CSPG5: variants seen among roughly 807,000 people sequenced by gnomAD.
CSPG5 encodes the protein chondroitin sulfate proteoglycan 5, also known as acidic leucine-rich EGF-like domain-containing brain protein.
A neutral mutation model predicts 39.8 loss-of-function variants in CSPG5; 25 were observed. The observed-to-expected ratio is 0.63, with a 90% CI of 0.46 to 0.88. The LOEUF (loss-of-function observed/expected upper bound fraction) is 0.88, where lower values mean the gene tolerates loss of function less well. Among genes scored for constraint, CSPG5 ranks in the 40% least tolerant of loss-of-function variants. The pLI, the probability that CSPG5 is intolerant of heterozygous loss-of-function variation, is 0.00. For synonymous variants in CSPG5, 295 were observed against 303.9 expected, an observed-to-expected ratio of 0.97 and a Z score of 0.31; for missense variants, 627 against 702.2, an observed-to-expected ratio of 0.89 and a Z score of 1.21.
chr3:47,575,648 C>T (rs537420233), intron 2 of CSPG5, among the ~76,000 whole-genome samples: 6 of 152,302 alleles, frequency 3.9e-5, no homozygotes, highest in Non-Finnish European at 7.4e-5. Context: ...ATCTGCAATG[C>T]GAAGACTCTC....
Position 47,572,672 on chromosome 3 carries a change from T to A in CSPG5, c.1382+14A>T. 6.2e-7 allele frequency: 1 copy of A among 1,606,804 alleles called. No homozygotes were observed. The highest frequency in any genetic ancestry group is 8.5e-7 in the Non-Finnish European group (1 of 1,174,246). ...ACCCTGACCTGGGTGGATGGGTGAG[T>A]GACACAGACTCACTTGGTCCTACGC... On this transcript the variant is annotated intron_variant, in intron 3 of 4. Coordinates refer to ENST00000264723, the MANE Select transcript of CSPG5 (RefSeq NM_006574.4). This position sits in a 1 kb window ranked among gnomAD's most constrained non-coding sequence, Gnocchi z 4.5.
rs1007029048 is a variant in CSPG5, at chr3:47,574,499, C to A, written c.1194-1625G>T. ...TTTCTGGTAGCCCTTAATCAACTGGCAAGTTAGTTTATTGCCATATTTTCT... is the reference window on the plus strand; with the variant it reads ...TTTCTGGTAGCCCTTAATCAACTGGAAAGTTAGTTTATTGCCATATTTTCT... On this transcript the variant is annotated intron_variant, in intron 2 of 4. Coordinates refer to ENST00000264723, the MANE Select transcript of CSPG5 (RefSeq NM_006574.4). Among the ~76,000 whole-genome samples, 17 of 152,254 alleles carry A rather than the reference C, an allele frequency of 1.1e-4. 1 individual carries two copies. Among genetic ancestry groups the A allele is most frequent in the Admixed American group, 1.0e-3 (16 of 15,296 alleles).
intron 4 of CSPG5, 165 bp downstream of exon 4, chr3:47,568,987 G>A (rs543917842): frequency 1.6e-5 from 21 of 1,276,652 alleles, no homozygotes; most frequent in Non-Finnish European, 1.3e-5. Context: ...GCTCTCTGGG[G>A]ATTTCATATT....
chr3:47,568,572 C>T (rs1469067539), intron 4 of CSPG5, among the ~76,000 whole-genome samples: 1 of 152,104 alleles, frequency 6.6e-6, no homozygotes, highest in Non-Finnish European at 1.5e-5. Context: ...GTCTTTCCAC[C>T]CATCCCAAAG....
chr3:47,574,458 A>C (rs998303574), intron 2 of CSPG5, among the ~76,000 whole-genome samples: 2 of 152,206 alleles, frequency 1.3e-5, no homozygotes, highest in African/African-American at 4.8e-5. Flanking sequence ...GAGCAAAATC[A>C]CAGGGTTTCC....
At chr3:47,575,494 T>C (rs532519250) in intron 2 of CSPG5, among the ~76,000 whole-genome samples, 4 of 152,102 alleles carry the variant, frequency 2.6e-5, no homozygotes, top group Non-Finnish European at 5.9e-5. Flanking sequence ...GTGAGTAGGG[T>C]AATTACTGAT....
intron 4 of CSPG5, among the ~76,000 whole-genome samples, chr3:47,566,052 A>C (rs1312080080): frequency 1.3e-5 from 2 of 152,206 alleles, no homozygotes; most frequent in Non-Finnish European, 2.9e-5. Context: ...CCACCGGCAC[A>C]GATACCAGCC....
In CSPG5 at chr3:47,577,614, T is replaced by C. The variant is rs1475892335; in HGVS notation, c.412A>G (p.Ile138Val). The change falls in exon 2 of 5, where the codon ATC becomes GTC. Residue 138 changes from isoleucine (I) to valine (V), a missense_variant. Ile to Val is a conservative substitution (Grantham distance 29, BLOSUM62 3). Transcript: ENST00000264723. The surrounding 1 kb of genome is among the most constrained non-coding windows in gnomAD (Gnocchi z 4.7). ...GCCTCAGGAATGGCAGGGGGCATGA[T>C]TGACTGCCCGAGGACCTCGTGGGGA... Reference protein sequence around the residue: ...QAPHEVLGQSIMPPAIPEATE... With the variant: ...QAPHEVLGQSVMPPAIPEATE... 38 of 1,611,030 alleles carry C rather than the reference T, an allele frequency of 2.4e-5. No individual in the cohort carries two copies. Among genetic ancestry groups the C allele is most frequent in the South Asian group, 4.4e-5 (4 of 90,990 alleles).
In CSPG5 at chr3:47,562,787, G is replaced by C. The variant is rs185202804; in HGVS notation, c.1459-26C>G. ...CTGGAAGAGGGAAAAAGTTGGGGGG[G>C]GGGAGACAATGCATACAGCAACCAA... On this transcript the variant is annotated intron_variant, in intron 4 of 4. Coordinates refer to ENST00000264723, the MANE Select transcript of CSPG5 (RefSeq NM_006574.4). 1.7e-4 allele frequency: 267 copies of C among 1,572,830 alleles called. 1 individual carries two copies. In the Admixed American group the frequency reaches 4.4e-3, roughly 26 times the overall value.
chr3:47,578,598 C>G lies in CSPG5; in HGVS notation c.96G>C (p.Pro32=). 1.7e-6 allele frequency: 2 copies of G among 1,147,802 alleles called. No homozygotes were observed. Among genetic ancestry groups the G allele is most frequent in the Non-Finnish European group, 2.2e-6 (2 of 927,806 alleles). The allele number at this position is 1,147,802 out of a possible 1,614,324, so 71.1% of individuals were successfully genotyped here. A position where few individuals can be genotyped will look rare whatever the true frequency, so the allele number is the denominator to read the frequency against. ...AALVLASGAV[P]AREAGSAVEA... ...GGTCCCGGGCGCAGTCATACCTACCCGGCACGGCCCCAGAGGCCAGGACCA... is the reference window on the plus strand; with the variant it reads ...GGTCCCGGGCGCAGTCATACCTACCGGGCACGGCCCCAGAGGCCAGGACCA... The change falls in exon 1 of 5, where the codon CCG becomes CCC. Residue 32 remains proline (P), a splice_region_variant and synonymous_variant. Coordinates refer to ENST00000264723, the MANE Select transcript of CSPG5 (RefSeq NM_006574.4). This position sits in a 1 kb window ranked among gnomAD's most constrained non-coding sequence, Gnocchi z 6.0.
At position 47,562,553 on chromosome 3, in the gene CSPG5, C is replaced by G; in HGVS notation, c.*47G>C. 6.6e-7 allele frequency: 1 copy of G among 1,520,264 alleles called. No homozygotes were observed. Among genetic ancestry groups the G allele is most frequent in the African/African-American group, 1.4e-5 (1 of 72,850 alleles). The allele number at this position is 1,520,264 out of a possible 1,614,324, so 94.2% of individuals were successfully genotyped here. ...GTACAAGAGGAGATAATGTTTCTTCCCCTACCCCCCACCCACTACCCCCGC... is the reference window on the plus strand; with the variant it reads ...GTACAAGAGGAGATAATGTTTCTTCGCCTACCCCCCACCCACTACCCCCGC... On this transcript the variant is annotated 3_prime_UTR_variant, in exon 5 of 5. Transcript: ENST00000264723.
In CSPG5 at chr3:47,577,855, G is replaced by C. The variant is rs1576375268; in HGVS notation, c.171C>G (p.Asn57Lys). ...KGSPAWEPPA[N>K]DTREEAGPPA... ...GTGGGCCGGCTTCTTCCCGCGTGTC[G>C]TTGGCAGGCGGCTCCCACGCCGGGC... Residue 57 changes from asparagine (N) to lysine (K), a missense_variant, in exon 2 of 5, where the codon AAC becomes AAG. Transcript: ENST00000264723. The surrounding 1 kb of genome is among the most constrained non-coding windows in gnomAD (Gnocchi z 4.7). 1 of 1,537,680 alleles carries C rather than the reference G, an allele frequency of 6.5e-7. No homozygotes were observed. The highest frequency in any genetic ancestry group is 2.0e-5 in the Admixed American group (1 of 49,778).
At position 47,578,081 on chromosome 3, in the gene CSPG5, C is replaced by G. The variant is rs932144468; in HGVS notation, c.98-153G>C. 1.5e-4 allele frequency: 174 copies of G among 1,164,268 alleles called. No individual in the cohort carries two copies. Among genetic ancestry groups the G allele is most frequent in the Non-Finnish European group, 1.9e-4 (171 of 909,730 alleles). 72.1% of individuals were successfully genotyped at this position (1,164,268 alleles called of 1,614,324 possible). A position where few individuals can be genotyped will look rare whatever the true frequency, so the allele number is the denominator to read the frequency against. ...CACCGCCCCAGTGTGACCCCAGCCA[C>G]CCGGTACCTCTAAGCCCCGTCCCGG... On this transcript the variant is annotated intron_variant, in intron 1 of 4. Transcript: ENST00000264723. The surrounding 1 kb of genome is among the most constrained non-coding windows in gnomAD (Gnocchi z 6.0).
rs2031776730 is a variant in CSPG5 at position 47,577,113 on chromosome 3, C to G, written c.913G>C (p.Gly305Arg). The G allele has an allele frequency of 4.3e-6, 7 of 1,613,846 alleles. No homozygotes were observed. The highest frequency in any genetic ancestry group is 1.6e-4 in the Middle Eastern group (1 of 6,084). The change falls in exon 2 of 5, where the codon GGG becomes CGG. Residue 305 changes from glycine to arginine, a missense_variant. Coordinates refer to ENST00000264723, the MANE Select transcript of CSPG5 (RefSeq NM_006574.4). This position sits in a 1 kb window ranked among gnomAD's most constrained non-coding sequence, Gnocchi z 4.7. ...EDENELLVPTGKPGLGPGTGQ... is the reference protein window; with the variant it reads ...EDENELLVPTRKPGLGPGTGQ... ...GTCCCGGGCCCCAGACCAGGCTTCC[C>G]AGTGGGCACTAGAAGCTCATTTTCA...
At chr3:47,575,851 T>C (rs2031700003) in intron 2 of CSPG5, among the ~76,000 whole-genome samples, 1 of 151,688 alleles carries the variant, frequency 6.6e-6, no homozygotes, top group Non-Finnish European at 1.5e-5. Context: ...CTCTCACCAG[T>C]ACCACCAGAA....
At position 47,577,708 on chromosome 3, in the gene CSPG5, TG is replaced by T; in HGVS notation, c.317del (p.Pro106GlnfsTer6). On this transcript the variant is annotated frameshift_variant, in exon 2 of 5. Coordinates refer to ENST00000264723, the MANE Select transcript of CSPG5 (RefSeq NM_006574.4). LOFTEE classifies it high-confidence loss of function. This position sits in a 1 kb window ranked among gnomAD's most constrained non-coding sequence, Gnocchi z 4.7. ...CCTCTGCGGTCACTCCTCCCAGGCC[TG>T]GGCTGTCAGCTTCCAGCCAGGCGGT... ...TGTAWLEADS[P>X]GLGGVTAEAG... is the part of the protein sequence containing the mutation. The T allele has an allele frequency of 6.3e-7, 1 of 1,582,628 alleles. No homozygotes were observed. The highest frequency in any genetic ancestry group is 8.6e-7 in the Non-Finnish European group (1 of 1,168,466).
At chr3:47,574,049 A>AT (rs1276344730) in intron 2 of CSPG5, among the ~76,000 whole-genome samples, 1 of 152,202 alleles carries the variant, frequency 6.6e-6, no homozygotes, top group Non-Finnish European at 1.5e-5. Flanking sequence ...AGCCGTGGCC[A>AT]GGCCTGGGTG....
rs2031838525 is a variant in CSPG5 at position 47,577,995 on chromosome 3, C to A, written c.98-67G>T. ...GCTGAGGAGCCCTGGAGCCCCGGCCCGCCCCGGTCAGGCCCGCTCGCCTAG... is the reference window on the plus strand; with the variant it reads ...GCTGAGGAGCCCTGGAGCCCCGGCCAGCCCCGGTCAGGCCCGCTCGCCTAG... On this transcript the variant is annotated intron_variant, in intron 1 of 4. Transcript: ENST00000264723. This position sits in a 1 kb window ranked among gnomAD's most constrained non-coding sequence, Gnocchi z 4.7. 2 of 1,362,370 alleles carry A rather than the reference C, an allele frequency of 1.5e-6. No individual in the cohort carries two copies. The highest frequency in any genetic ancestry group is 1.9e-6 in the Non-Finnish European group (2 of 1,066,182). The allele number at this position is 1,362,370 out of a possible 1,614,324, so 84.4% of individuals were successfully genotyped here.
Position 47,578,128 on chromosome 3 carries a change from T to C in CSPG5, c.98-200A>G. Reference sequence around the variant, plus strand: ...CCGGAGTCTGCCCCCAAGACGAGGATCACACCCCGCCCAACGCCTCGCGGC... The same window carrying C: ...CCGGAGTCTGCCCCCAAGACGAGGACCACACCCCGCCCAACGCCTCGCGGC... On this transcript the variant is annotated intron_variant, in intron 1 of 4. Coordinates refer to ENST00000264723, the MANE Select transcript of CSPG5 (RefSeq NM_006574.4). This position sits in a 1 kb window ranked among gnomAD's most constrained non-coding sequence, Gnocchi z 6.0. 2 of 819,268 alleles carry C rather than the reference T, an allele frequency of 2.4e-6. No homozygotes were observed. The highest frequency in any genetic ancestry group is 4.9e-5 in the South Asian group (1 of 20,296). The allele number at this position is 819,268 out of a possible 1,614,324, so 50.7% of individuals were successfully genotyped here. A position where few individuals can be genotyped will look rare whatever the true frequency, so the allele number is the denominator to read the frequency against.
Sources: gnomAD v4.1 joint callset for allele counts (sites outside exome capture counted in the v4.1 genomes callset) on GRCh38, gnomAD v4.1.1 for gene constraint, Gnocchi (gnomAD v3.1) non-coding constraint, MANE v1.5 for transcripts, NCBI Gene and HGNC (gene_info 2026-07-23, HGNC 2026-07-21) for gene names.